Variants in AFF4 observed in about 807,000 individuals in gnomAD.
AFF4 encodes the protein AF4/FMR2 family member 4.
A neutral mutation model predicts 124.8 loss-of-function variants in AFF4; 13 were observed. That is an observed-to-expected ratio of 0.10 (90% CI 0.07 to 0.17). The LOEUF is 0.17. Ranked by LOEUF, AFF4 falls within the 10% of genes least tolerant of loss-of-function variation. The pLI is 1.00. For synonymous variants in AFF4, 477 were observed against 496.1 expected, an observed-to-expected ratio of 0.96 and a Z score of 0.51; for missense variants, 1,092 against 1,403.8, an observed-to-expected ratio of 0.78 and a Z score of 3.55.
chr5:132,938,090 T>C (rs1761474212), intron 1 of AFF4, among the ~76,000 whole-genome samples: 1 of 150,412 alleles, frequency 6.6e-6, no homozygotes, highest in Non-Finnish European at 1.5e-5. Context: ...GATTAAATAA[T>C]CAGACCTGGT....
rs762869731 is a variant in AFF4 at position 132,899,640 on chromosome 5, T to C, written c.1135A>G (p.Met379Val). ...KTSNGHQSKS[M>V]LKDDLKLSSS... ...CTTAGTTTTAAGTCATCTTTTAACA[T>C]ACTAGAGGGAAAAGACAAAGAATTA... The change falls in exon 8 of 21, where the codon ATG (methionine) becomes GTG (valine). Residue 379 changes from methionine to valine, a missense_variant and splice_region_variant. Transcript: ENST00000265343. 1.9e-5 allele frequency: 31 copies of C among 1,609,188 alleles called. 1 individual carries two copies. In the East Asian group the frequency reaches 3.8e-4, roughly 20 times the overall value.
Position 132,925,757 on chromosome 5 carries a change from G to A in AFF4, c.1050+1364C>T, listed in dbSNP as rs139167340. Among the ~76,000 whole-genome samples the A allele has an allele frequency of 1.8e-3, 280 of 152,284 alleles. 2 individuals carry two copies. The highest frequency in any genetic ancestry group is 6.4e-3 in the African/African-American group (266 of 41,546). ...CTGCTGTTTAATAATATCAAATGGTGGTGTGCATGTGTGAAACAACAGGTA... is the reference window on the plus strand; with the variant it reads ...CTGCTGTTTAATAATATCAAATGGTAGTGTGCATGTGTGAAACAACAGGTA... On this transcript the variant is annotated intron_variant, in intron 5 of 20. Coordinates refer to ENST00000265343, the MANE Select transcript of AFF4 (RefSeq NM_014423.4).
intron 4 of AFF4, chr5:132,927,514 C>A: frequency 3.6e-6 from 1 of 277,092 alleles, no homozygotes; most frequent in Non-Finnish European, 6.8e-6. Context: ...GAAGAGCTTG[C>A]TAGGAGAGTG....
chr5:132,904,755 A>G (rs754363743), intron 5 of AFF4, among the ~76,000 whole-genome samples: 1 of 152,210 alleles, frequency 6.6e-6, no homozygotes, highest in Non-Finnish European at 1.5e-5. Context: ...AAGACAGTGT[A>G]CCAGGTGAAG....
Position 132,886,352 on chromosome 5 carries a change from T to C in AFF4, c.3057A>G (p.Glu1019=). Reference sequence around the variant, plus strand: ...GTGTCTTTGAGTACTTCAGAGCATTTTCCTTCTTCAGTTTGAACAGCCTCA... The same window carrying C: ...GTGTCTTTGAGTACTTCAGAGCATTCTCCTTCTTCAGTTTGAACAGCCTCA... ...LYLRLFKLKK[E]NALKYSKTLT... Residue 1019 remains glutamate, a synonymous_variant, in exon 18 of 21, where the codon GAA becomes GAG. Coordinates refer to ENST00000265343, the MANE Select transcript of AFF4 (RefSeq NM_014423.4). 1 of 1,614,178 alleles carries C rather than the reference T, an allele frequency of 6.2e-7. No individual in the cohort carries two copies. The highest frequency in any genetic ancestry group is 8.5e-7 in the Non-Finnish European group (1 of 1,180,026).
At chr5:132,894,334 T>C (rs914270909) in intron 11 of AFF4, among the ~76,000 whole-genome samples, 3 of 152,222 alleles carry the variant, frequency 2.0e-5, no homozygotes, top group Admixed American at 6.5e-5. Flanking sequence ...TTGCCAACAT[T>C]TTTTATGGTC....
intron 2 of AFF4, among the ~76,000 whole-genome samples, chr5:132,936,585 T>TA (rs1310926665): frequency 1.3e-5 from 2 of 152,158 alleles, no homozygotes; most frequent in East Asian, 3.8e-4. Context: ...ATATCACACT[T>TA]AAAGAACACC....
chr5:132,937,211 A>G lies in AFF4; in HGVS notation c.-4-18T>C, dbSNP rs750104867. The G allele has an allele frequency of 1.3e-6, 2 of 1,590,238 alleles. No individual in the cohort carries two copies. Among genetic ancestry groups the G allele is most frequent in the Non-Finnish European group, 8.6e-7 (1 of 1,163,944 alleles). ...TCATGTTGCTATGAAAAGAAACACA[A>G]TCTTTGTATCACAGAAATAAAAGGA... is the stretch of plus-strand genomic sequence containing the variant. On this transcript the variant is annotated intron_variant, in intron 1 of 20. Transcript: ENST00000265343.
chr5:132,881,621 A>C (rs1403743591), intron 20 of AFF4, among the ~76,000 whole-genome samples: 3 of 152,204 alleles, frequency 2.0e-5, no homozygotes, highest in African/African-American at 7.2e-5. Flanking sequence ...TTAGACACTT[A>C]AGATTATATC....
chr5:132,932,411 T>C (rs1761322138), intron 3 of AFF4, among the ~76,000 whole-genome samples, 189 bp from the exon 4 acceptor site: 1 of 152,238 alleles, frequency 6.6e-6, no homozygotes, highest in South Asian at 2.1e-4. Flanking sequence ...ATCACCAAAC[T>C]ATACAAAGCT....
chr5:132,929,300 C>T lies in AFF4; in HGVS notation c.964-2093G>A, dbSNP rs185179345. Among the ~76,000 whole-genome samples the T allele has an allele frequency of 3.0e-4, 46 of 152,236 alleles. No homozygotes were observed. The East Asian group carries it at 8.1e-3, about 27-fold the overall frequency. On this transcript the variant is annotated intron_variant, in intron 4 of 20. Coordinates refer to ENST00000265343, the MANE Select transcript of AFF4 (RefSeq NM_014423.4). ...TTTGATTTAATTCTCCAATTATCAT[C>T]GAATGACTGAGCACCTATTAACTAA...
rs1041713464 is a variant in AFF4 at position 132,957,454 on chromosome 5, C to T, written c.-5+5805G>A. Among the ~76,000 whole-genome samples, 8 of 152,070 alleles carry T rather than the reference C, an allele frequency of 5.3e-5. 1 individual carries two copies. The highest frequency in any genetic ancestry group is 3.9e-4 in the East Asian group (2 of 5,184). On this transcript the variant is annotated intron_variant, in intron 1 of 20. Transcript: ENST00000265343. ...TAACTATTAAAATTTACAGAAAGGA[C>T]GGGTGCAGTGGCTCATACGTATAAT...
intron 4 of AFF4, chr5:132,927,475 T>C (rs1280151192): frequency 8.6e-6 from 3 of 348,954 alleles, no homozygotes; most frequent in East Asian, 1.4e-4. Flanking sequence ...TGTAATCAAA[T>C]ACAAGGCACA....
intron 1 of AFF4, among the ~76,000 whole-genome samples, chr5:132,941,378 G>A (rs1371224029): frequency 2.6e-5 from 4 of 151,986 alleles, no homozygotes; most frequent in African/African-American, 9.7e-5. Context: ...CTATCTCCCA[G>A]GCTGGAAAGC....
At chr5:132,941,020 A>G (rs983984751) in intron 1 of AFF4, among the ~76,000 whole-genome samples, 5 of 128,556 alleles carry the variant, frequency 3.9e-5, no homozygotes, top group Non-Finnish European at 8.2e-5. Context: ...AAACGAAACT[A>G]CATCTCAAAA....
chr5:132,898,458 A>AT (rs1039647391), intron 9 of AFF4, 66 bp from the exon 10 acceptor site: 69 of 1,400,870 alleles, frequency 4.9e-5, no homozygotes, highest in Admixed American at 2.1e-4. Context: ...AAACATCCAA[A>AT]TCGACAACCA....
intron 4 of AFF4, among the ~76,000 whole-genome samples, chr5:132,929,783 A>C (rs562525018): frequency 6.6e-6 from 1 of 152,294 alleles, no homozygotes; most frequent in East Asian, 1.9e-4. Flanking sequence ...AGCCACTGAA[A>C]ATTTTTAGGG....
chr5:132,910,430 A>G (rs1760768380), intron 5 of AFF4, among the ~76,000 whole-genome samples: 1 of 152,092 alleles, frequency 6.6e-6, no homozygotes, highest in East Asian at 1.9e-4. Flanking sequence ...TCAAACTCTA[A>G]TTGGTGTCAC....
intron 14 of AFF4, 81 bp downstream of exon 14, chr5:132,888,998 T>C: frequency 7.4e-7 from 1 of 1,358,284 alleles, no homozygotes; most frequent in South Asian, 1.2e-5. Flanking sequence ...GCCCGGCCAA[T>C]GATAGAAATG....
Sources: gnomAD v4.1 joint callset for allele counts (sites outside exome capture counted in the v4.1 genomes callset) on GRCh38, gnomAD v4.1.1 for gene constraint, MANE v1.5 for transcripts, NCBI Gene and HGNC (gene_info 2026-07-23, HGNC 2026-07-21) for gene names.